Variants in GRIK2 observed in about 807,000 individuals in gnomAD.
GRIK2 encodes the protein glutamate ionotropic receptor kainate type subunit 2.
GRIK2 carries 32 observed loss-of-function variants against 100.3 expected under a neutral mutation model. The ratio of observed to expected loss-of-function variants is 0.32; its 90% confidence interval spans 0.24 to 0.43. The LOEUF (loss-of-function observed/expected upper bound fraction) is 0.43, where lower values mean the gene tolerates loss of function less well. GRIK2 is among the 20% of genes least tolerant of loss of function. GRIK2 has a pLI of 1.00. For synonymous variants in GRIK2, 417 were observed against 389.4 expected (o/e 1.07, Z -0.83); for missense variants, 843 against 1,114.9 (o/e 0.76, Z 3.47).
At chr6:101,740,179 G>A (rs1185851262) in intron 7 of GRIK2, among the ~76,000 whole-genome samples, 1 of 152,202 alleles carries the variant, frequency 6.6e-6, no homozygotes, top group Non-Finnish European at 1.5e-5. Context: ...TGGCTGTATA[G>A]TGTGGGACAC....
chr6:101,976,422 T>C (rs1263534974), intron 14 of GRIK2, among the ~76,000 whole-genome samples: 1 of 151,930 alleles, frequency 6.6e-6, no homozygotes, highest in African/African-American at 2.4e-5. Flanking sequence ...TGCATCTGGG[T>C]GTGGTGGCTC....
chr6:101,979,068 A>G (rs1165419015), intron 14 of GRIK2, among the ~76,000 whole-genome samples: 1 of 151,942 alleles, frequency 6.6e-6, no homozygotes, highest in African/African-American at 2.4e-5. Flanking sequence ...CGTTTTTTGC[A>G]TAGTAAAAAA....
chr6:101,853,033 T>C (rs1345275798), intron 10 of GRIK2, among the ~76,000 whole-genome samples: 1 of 152,168 alleles, frequency 6.6e-6, no homozygotes, highest in African/African-American at 2.4e-5. Flanking sequence ...AGCTCAAATA[T>C]GTAGCTTTGG....
At chr6:101,805,512 T>C (rs532735071) in intron 9 of GRIK2, among the ~76,000 whole-genome samples, 1 of 152,090 alleles carries the variant, frequency 6.6e-6, no homozygotes, top group East Asian at 1.9e-4. Context: ...AAGTGCTAGG[T>C]TTATCCCTCT....
intron 2 of GRIK2, among the ~76,000 whole-genome samples, chr6:101,512,944 C>T (rs115671366): frequency 6.6e-6 from 1 of 151,630 alleles, no homozygotes; most frequent in Non-Finnish European, 1.5e-5. Flanking sequence ...TATTTTCTTG[C>T]TTTGCTGTTT....
intron 16 of GRIK2, among the ~76,000 whole-genome samples, chr6:102,057,928 A>G (rs1337981814): frequency 2.0e-5 from 3 of 151,810 alleles, no homozygotes. Flanking sequence ...CCTAATCAAA[A>G]GGTATAATGG....
chr6:101,655,512 T>G (rs922575919), intron 4 of GRIK2, among the ~76,000 whole-genome samples: 10 of 152,130 alleles, frequency 6.6e-5, no homozygotes, highest in African/African-American at 2.4e-4. Flanking sequence ...TCAATTTGCT[T>G]AAGTCTCTGT....
At chr6:101,970,399 C>T (rs1039287661) in intron 14 of GRIK2, among the ~76,000 whole-genome samples, 7 of 152,010 alleles carry the variant, frequency 4.6e-5, no homozygotes, top group Non-Finnish European at 8.8e-5. Context: ...TATACAGCAG[C>T]TGTAGAGGTA....
chr6:101,561,390 G>C (rs1425928038), intron 2 of GRIK2, among the ~76,000 whole-genome samples: 1 of 151,242 alleles, frequency 6.6e-6, no homozygotes, highest in Non-Finnish European at 1.5e-5. Context: ...GAAGAGAGAA[G>C]GGGGGGATGA....
intron 2 of GRIK2, among the ~76,000 whole-genome samples, chr6:101,588,672 A>ACACACG (rs1010045580): frequency 2.1e-5 from 3 of 142,892 alleles, no homozygotes; most frequent in East Asian, 2.0e-4. Flanking sequence ...GCACACGCAC[A>ACACACG]CACACACACA....
In GRIK2 at chr6:102,056,039, G is replaced by C. The variant is rs923484100; in HGVS notation, c.2562+459G>C. On this transcript the variant is annotated intron_variant, in intron 16 of 16. Coordinates refer to ENST00000369134, the MANE Select transcript of GRIK2 (RefSeq NM_021956.5). The stretch of plus-strand genomic sequence containing the variant: ...GTAAGTTTTTATCTGAATAGCTTTA[G>C]TCCAATAAATTTCTAGTTTAAGAAA... 2.6e-5 allele frequency among the ~76,000 whole-genome samples: 4 copies of C among 151,674 alleles called. No homozygotes were observed. In the East Asian group the frequency reaches 5.8e-4, roughly 22 times the overall value.
chr6:101,497,734 T>G (rs1460152544), intron 2 of GRIK2, among the ~76,000 whole-genome samples: 1 of 152,110 alleles, frequency 6.6e-6, no homozygotes, highest in African/African-American at 2.4e-5. Flanking sequence ...AACTTTTAAG[T>G]TCTGAATTTT....
At chr6:101,875,005 G>T (rs953402496) in intron 11 of GRIK2, among the ~76,000 whole-genome samples, 2 of 152,192 alleles carry the variant, frequency 1.3e-5, no homozygotes, top group East Asian at 3.9e-4. Flanking sequence ...GGGCTGAGAT[G>T]ATGGGGTTTT....
In GRIK2 at chr6:101,811,459, G is replaced by C. The variant is rs1029420992; in HGVS notation, c.1204-6911G>C. On this transcript the variant is annotated intron_variant, in intron 9 of 16. Transcript: ENST00000369134. ...GTCAATGCCAGTAAGAAAGTATAAA[G>C]AGAATTTTGATAGATTTGTATCAGG... Among the ~76,000 whole-genome samples the C allele has an allele frequency of 5.3e-5, 8 of 151,958 alleles. 1 individual carries two copies. The highest frequency in any genetic ancestry group is 5.3e-4 in the Admixed American group (8 of 15,218).
chr6:101,650,890 T>C (rs1781753564), intron 4 of GRIK2, among the ~76,000 whole-genome samples: 3 of 151,906 alleles, frequency 2.0e-5, no homozygotes, highest in Admixed American at 2.0e-4. Context: ...GTAACAGCCA[T>C]CGCATATGCA....
At chr6:101,647,999 G>A (rs1242444757) in intron 4 of GRIK2, among the ~76,000 whole-genome samples, 1 of 152,010 alleles carries the variant, frequency 6.6e-6, no homozygotes, top group Non-Finnish European at 1.5e-5. Flanking sequence ...GTAGATGTTA[G>A]TAGTAGTTCT....
At chr6:101,605,826 A>G (rs1779416051) in intron 2 of GRIK2, among the ~76,000 whole-genome samples, 1 of 152,052 alleles carries the variant, frequency 6.6e-6, no homozygotes, top group African/African-American at 2.4e-5. Context: ...AACCTTGAAT[A>G]AAAGCCATAG....
rs116882098 is a variant in GRIK2 at position 101,654,662 on chromosome 6, A to G, written c.542-21961A>G. Among the ~76,000 whole-genome samples the G allele has an allele frequency of 5.4e-3, 821 of 152,238 alleles. 4 individuals are homozygous for G. The highest frequency in any genetic ancestry group is 8.9e-3 in the Non-Finnish European group (603 of 68,004). On this transcript the variant is annotated intron_variant, in intron 4 of 16. Coordinates refer to ENST00000369134, the MANE Select transcript of GRIK2 (RefSeq NM_021956.5). ...TACTGTACTATTGCATTGGTTTTCT[A>G]TCTCAACTAGGCTACTTCCAACTTA...
chr6:101,705,574 A>G (rs1176006652), intron 7 of GRIK2, among the ~76,000 whole-genome samples: 1 of 151,838 alleles, frequency 6.6e-6, no homozygotes, highest in South Asian at 2.1e-4. Context: ...GAATAGCTCT[A>G]TGGAAAATGT....
Sources: gnomAD v4.1 joint callset for allele counts (sites outside exome capture counted in the v4.1 genomes callset) on GRCh38, gnomAD v4.1.1 for gene constraint, MANE v1.5 for transcripts, NCBI Gene and HGNC (gene_info 2026-07-23, HGNC 2026-07-21) for gene names.